The following ATXN1 variants were observed in gnomAD, a reference collection of about 807,000 sequenced individuals.
The protein encoded by ATXN1 is ataxin 1, also known as ataxin-1.
Under a neutral mutation model 56.4 loss-of-function variants are expected in ATXN1, and 8 were observed. The ratio of observed to expected loss-of-function variants is 0.14; its 90% CI spans 0.08 to 0.26. The LOEUF is 0.26. ATXN1 is among the 10% of genes least tolerant of loss of function. The pLI, the probability that ATXN1 is intolerant of heterozygous loss-of-function variation, is 1.00. For missense variants in ATXN1, 987 were observed against 1,106.5 expected (o/e 0.89, Z 1.53); for synonymous variants, 514 against 494.6 (o/e 1.04, Z -0.52).
At chr6:16,602,293 C>T (rs527998577) in intron 3 of ATXN1, among the ~76,000 whole-genome samples, 2 of 152,198 alleles carry the variant, frequency 1.3e-5, no homozygotes, top group East Asian at 3.9e-4. Flanking sequence ...AGTGAAACAC[C>T]ACAGTGTTTC....
At chr6:16,311,292 G>A (rs1044101832) in intron 7 of ATXN1, among the ~76,000 whole-genome samples, 1 of 152,180 alleles carries the variant, frequency 6.6e-6, no homozygotes, top group Admixed American at 6.5e-5. Flanking sequence ...TAGCTAATGG[G>A]TTTAGGATTT....
intron 5 of ATXN1, among the ~76,000 whole-genome samples, chr6:16,501,066 T>C (rs903104702): frequency 6.6e-6 from 1 of 152,146 alleles, no homozygotes; most frequent in African/African-American, 2.4e-5. Flanking sequence ...TCTCTTATTT[T>C]AAACTGGTGC....
At chr6:16,461,267 C>G (rs1039133333) in intron 6 of ATXN1, among the ~76,000 whole-genome samples, 1 of 152,320 alleles carries the variant, frequency 6.6e-6, no homozygotes, top group African/African-American at 2.4e-5. Context: ...ATAGTTTTCT[C>G]CCCTTGGGGT....
intron 6 of ATXN1, among the ~76,000 whole-genome samples, chr6:16,467,802 T>C (rs1470666360): frequency 6.6e-6 from 1 of 152,242 alleles, no homozygotes; most frequent in Non-Finnish European, 1.5e-5. Flanking sequence ...CATTTTAAAC[T>C]GTATTGCCTG....
chr6:16,428,961 C>T (rs772262525), intron 6 of ATXN1, among the ~76,000 whole-genome samples: 9 of 151,382 alleles, frequency 5.9e-5, no homozygotes, highest in East Asian at 1.9e-4. Flanking sequence ...GGAAATATGG[C>T]GATGAACACG....
intron 6 of ATXN1, among the ~76,000 whole-genome samples, chr6:16,454,169 C>T (rs941819642): frequency 5.8e-5 from 8 of 138,094 alleles, no homozygotes; most frequent in East Asian, 2.5e-4. Context: ...AGAATTAGAT[C>T]GATAAATATT....
At chr6:16,445,159 C>T (rs1561898743) in intron 6 of ATXN1, among the ~76,000 whole-genome samples, 1 of 152,102 alleles carries the variant, frequency 6.6e-6, no homozygotes, top group African/African-American at 2.4e-5. Context: ...TAAAATAAAA[C>T]TTATTAATAA....
At chr6:16,725,464 C>T (rs1759828788) in intron 2 of ATXN1, among the ~76,000 whole-genome samples, 1 of 152,164 alleles carries the variant, frequency 6.6e-6, no homozygotes, top group South Asian at 2.1e-4. Flanking sequence ...GATTAAGAAA[C>T]ACTCTCCCAT....
chr6:16,336,178 C>A (rs1761118488), intron 6 of ATXN1, among the ~76,000 whole-genome samples: 1 of 152,134 alleles, frequency 6.6e-6, no homozygotes, highest in African/African-American at 2.4e-5. Flanking sequence ...TGAGGTTTTC[C>A]CAAGGCCATA....
chr6:16,589,424 TTTATATATTATATATACATAC>T (rs1234029730), intron 3 of ATXN1, among the ~76,000 whole-genome samples: 24 of 150,778 alleles, frequency 1.6e-4, no homozygotes, highest in African/African-American at 5.8e-4. Context: ...ATAATCTACA[TTTATATATTATATATACATAC>T]TTATATATTA....
At chr6:16,719,810 G>A (rs928537560) in intron 2 of ATXN1, among the ~76,000 whole-genome samples, 50 of 152,276 alleles carry the variant, frequency 3.3e-4, no homozygotes, top group African/African-American at 9.6e-4. Flanking sequence ...CTGGAGTGAC[G>A]CTGCCACAAG....
intron 6 of ATXN1, among the ~76,000 whole-genome samples, chr6:16,448,423 C>A (rs764916533): frequency 6.6e-6 from 1 of 152,294 alleles, no homozygotes; most frequent in African/African-American, 2.4e-5. Flanking sequence ...TTGTTTCCTG[C>A]GCTAGAATGA....
At chr6:16,719,718 A>T (rs1759709146) in intron 2 of ATXN1, among the ~76,000 whole-genome samples, 1 of 152,150 alleles carries the variant, frequency 6.6e-6, no homozygotes, top group South Asian at 2.1e-4. Context: ...TCCTAAATCC[A>T]ATGACCACTG....
chr6:16,580,495 GT>G (rs1762509183), intron 4 of ATXN1, among the ~76,000 whole-genome samples: 1 of 152,176 alleles, frequency 6.6e-6, no homozygotes, highest in African/African-American at 2.4e-5. Flanking sequence ...CTGTGCAGCA[GT>G]CTGCTTTAGG....
intron 6 of ATXN1, among the ~76,000 whole-genome samples, chr6:16,334,332 T>C (rs1761063899): frequency 6.6e-6 from 1 of 152,156 alleles, no homozygotes; most frequent in Non-Finnish European, 1.5e-5. Flanking sequence ...TCTGGTTTAA[T>C]AATGGTTTCA....
intron 4 of ATXN1, among the ~76,000 whole-genome samples, chr6:16,582,632 A>G (rs920887412): frequency 4.6e-5 from 7 of 152,226 alleles, no homozygotes; most frequent in African/African-American, 1.7e-4. Context: ...CATGTGCAGT[A>G]TATGGAAACA....
intron 6 of ATXN1, among the ~76,000 whole-genome samples, chr6:16,421,757 A>C (rs1378246610): frequency 1.3e-5 from 2 of 152,032 alleles, no homozygotes; most frequent in African/African-American, 4.8e-5. Context: ...TGTGTGGGTG[A>C]GTGTGCATAC....
Position 16,438,291 on chromosome 6 carries a change from C to T in ATXN1, c.-161+47681G>A, listed in dbSNP as rs532033605. Among the ~76,000 whole-genome samples, 8 of 152,304 alleles carry T rather than the reference C, an allele frequency of 5.3e-5. 1 individual carries two copies. In the South Asian group the frequency reaches 1.7e-3, roughly 32 times the overall value. On this transcript the variant is annotated intron_variant, in intron 6 of 7. Transcript: ENST00000436367. ...GGTTGGGAACCCCTGTGTTATAGGA[C>T]CTGACACCCAATTTCTGCCATCTGA...
intron 3 of ATXN1, among the ~76,000 whole-genome samples, chr6:16,656,025 G>A (rs1758193940): frequency 6.6e-6 from 1 of 151,050 alleles, no homozygotes; most frequent in African/African-American, 2.4e-5. Context: ...GGGAGGTGGA[G>A]GTTGCAGTGA....
Sources: gnomAD v4.1 joint callset for allele counts (sites outside exome capture counted in the v4.1 genomes callset) on GRCh38, gnomAD v4.1.1 for gene constraint, MANE v1.5 for transcripts, NCBI Gene and HGNC (gene_info 2026-07-23, HGNC 2026-07-21) for gene names.